The following IGSF11 variants were observed in gnomAD, a reference collection of about 807,000 sequenced individuals.
The protein encoded by IGSF11 is immunoglobulin superfamily member 11.
In IGSF11, 22 loss-of-function variants were observed where a neutral mutation model predicts 41.0. That is an observed-to-expected ratio of 0.54 (90% confidence interval 0.38 to 0.77). The LOEUF is 0.77. Among genes scored for constraint, IGSF11 ranks in the 30% least tolerant of loss-of-function variants. IGSF11 has a pLI of 0.00. For synonymous variants in IGSF11, 219 were observed against 201.3 expected (o/e 1.09, Z -0.74); for missense variants, 444 against 530.8 (o/e 0.84, Z 1.61).
In IGSF11 at chr3:118,902,758, T is replaced by C. The variant is rs1483889670; in HGVS notation, c.1058A>G (p.Asn353Ser). Residue 353 changes from asparagine to serine, a missense_variant, in exon 7 of 7, where the codon AAC becomes AGC. Physicochemically the swap from Asn to Ser is conservative, Grantham distance 46 (BLOSUM62 1). This residue lies in a region of IGSF11 where 223 missense variants were observed against 226.2 expected (regional missense o/e 0.99). Coordinates refer to ENST00000393775, the MANE Select transcript of IGSF11 (RefSeq NM_001015887.3). ...QSFSFHSGNANIPSIYANGTH... is the reference protein window; with the variant it reads ...QSFSFHSGNASIPSIYANGTH... Reference sequence around the variant, plus strand: ...CCCATTAGCATAAATGGATGGTATGTTGGCATTGCCTGAGTGGAAAGAGAA... The same window carrying C: ...CCCATTAGCATAAATGGATGGTATGCTGGCATTGCCTGAGTGGAAAGAGAA... 1 of 1,614,176 alleles carries C rather than the reference T, an allele frequency of 6.2e-7. No homozygotes were observed. Among genetic ancestry groups the C allele is most frequent in the East Asian group, 2.2e-5 (1 of 44,878 alleles).
chr3:118,912,021 A>T (rs1047812799), intron 4 of IGSF11, among the ~76,000 whole-genome samples: 9 of 152,232 alleles, frequency 5.9e-5, no homozygotes, highest in Admixed American at 1.3e-4. Context: ...TTTCTTACAA[A>T]CCATGAAAGA....
chr3:119,051,507 C>G (rs928018683), intron 1 of IGSF11, among the ~76,000 whole-genome samples: 1 of 152,146 alleles, frequency 6.6e-6, no homozygotes, highest in Non-Finnish European at 1.5e-5. Context: ...AGAAATGAGA[C>G]AGATGGCAAT....
At chr3:119,077,355 C>T (rs2107475695) in intron 1 of IGSF11, among the ~76,000 whole-genome samples, 1 of 151,910 alleles carries the variant, frequency 6.6e-6, no homozygotes, top group East Asian at 1.9e-4. Flanking sequence ...CAACATGGCA[C>T]ATGTATACAT....
At chr3:118,955,856 C>T (rs576093449) in intron 1 of IGSF11, among the ~76,000 whole-genome samples, 76 of 152,090 alleles carry the variant, frequency 5.0e-4, no homozygotes, top group Non-Finnish European at 7.5e-4. Context: ...GTCCTTTGAA[C>T]CTTTGGATCC....
chr3:119,041,376 G>C (rs150755192), intron 1 of IGSF11, among the ~76,000 whole-genome samples: 1 of 152,268 alleles, frequency 6.6e-6, no homozygotes, highest in Non-Finnish European at 1.5e-5. Flanking sequence ...GAGGTCAAGA[G>C]TTTGAGACCA....
At chr3:118,904,871 T>C in intron 5 of IGSF11, 73 bp from the exon 6 acceptor site, 1 of 1,184,260 alleles carries the variant, frequency 8.4e-7, no homozygotes, top group Non-Finnish European at 1.2e-6. Flanking sequence ...GCAACTGTAA[T>C]AAGCACATAA....
At chr3:119,107,800 A>C (rs1436836097), upstream of IGSF11, among the ~76,000 whole-genome samples, 1 of 151,816 alleles carries the variant, frequency 6.6e-6, no homozygotes, top group Non-Finnish European at 1.5e-5. Context: ...TCAGCTTTCT[A>C]CATATGGCTA....
chr3:118,935,397 T>A (rs73856927), intron 1 of IGSF11, among the ~76,000 whole-genome samples: 1 of 99,916 alleles, frequency 1.0e-5, no homozygotes, highest in Non-Finnish European at 2.0e-5. Flanking sequence ...CACACACACA[T>A]ACACACACAC....
intron 1 of IGSF11, among the ~76,000 whole-genome samples, chr3:119,123,062 G>A (rs1576827139): frequency 6.6e-6 from 1 of 152,254 alleles, no homozygotes; most frequent in South Asian, 2.1e-4. Context: ...CTGATTCCAG[G>A]CCTTGGTTCT....
chr3:119,143,382 T>C lies in IGSF11; in HGVS notation c.-14+2431A>G, dbSNP rs143500283. Among the ~76,000 whole-genome samples the C allele has an allele frequency of 6.6e-3, 998 of 152,212 alleles. 8 individuals carry two copies. The highest frequency in any genetic ancestry group is 0.024 in the Middle Eastern group (7 of 292). On this transcript the variant is annotated intron_variant, in intron 1 of 7. Coordinates refer to the IGSF11 transcript ENST00000425327. ...GCAGGGTTTTGTATACCATTGAAGCTAGGATGGTTTTAATTCAAAATAGGT... is the reference window on the plus strand; with the variant it reads ...GCAGGGTTTTGTATACCATTGAAGCCAGGATGGTTTTAATTCAAAATAGGT...
chr3:118,997,461 G>T (rs540546595), intron 1 of IGSF11, among the ~76,000 whole-genome samples: 40 of 152,082 alleles, frequency 2.6e-4, no homozygotes, highest in Non-Finnish European at 4.6e-4. Context: ...CTTTACAGAA[G>T]CCATTTGGCA....
At chr3:119,086,124 T>C (rs1183202696) in intron 1 of IGSF11, among the ~76,000 whole-genome samples, 2 of 152,212 alleles carry the variant, frequency 1.3e-5, no homozygotes, top group East Asian at 1.9e-4. Context: ...ATCGGCCTTA[T>C]GTTCCCTGCC....
chr3:119,087,899 C>T (rs2107490439), intron 1 of IGSF11, among the ~76,000 whole-genome samples: 1 of 151,976 alleles, frequency 6.6e-6, no homozygotes, highest in African/African-American at 2.4e-5. Context: ...ATATACCCAC[C>T]CAACATTGGA....
intron 1 of IGSF11, among the ~76,000 whole-genome samples, chr3:118,942,186 C>A (rs922729162): frequency 6.6e-6 from 1 of 152,114 alleles, no homozygotes; most frequent in Non-Finnish European, 1.5e-5. Context: ...GGGAAGCTCA[C>A]AGAATCATGG....
intron 1 of IGSF11, among the ~76,000 whole-genome samples, chr3:119,140,962 T>C (rs112003411): frequency 0.029 from 4,331 of 149,800 alleles, 95 homozygotes; most frequent in Non-Finnish European, 0.04. Context: ...GAAAATTGCT[T>C]GACCCAGGAG....
chr3:119,060,176 C>G (rs761277376), intron 1 of IGSF11, among the ~76,000 whole-genome samples: 2 of 152,152 alleles, frequency 1.3e-5, no homozygotes, highest in Non-Finnish European at 2.9e-5. Flanking sequence ...GAACCATCAT[C>G]AGTTTCTGTT....
At chr3:119,088,391 C>T (rs1411010311) in intron 1 of IGSF11, among the ~76,000 whole-genome samples, 1 of 152,126 alleles carries the variant, frequency 6.6e-6, no homozygotes, top group Non-Finnish European at 1.5e-5. Flanking sequence ...AATAGACACA[C>T]AGCTTATCAA....
chr3:118,967,220 G>C (rs1368052338), intron 1 of IGSF11, among the ~76,000 whole-genome samples: 1 of 152,024 alleles, frequency 6.6e-6, no homozygotes, highest in Non-Finnish European at 1.5e-5. Flanking sequence ...TGTATGGAGA[G>C]AGATATATAT....
At chr3:119,119,422 A>G (rs1185057378) in intron 1 of IGSF11, among the ~76,000 whole-genome samples, 1 of 152,208 alleles carries the variant, frequency 6.6e-6, no homozygotes, top group East Asian at 1.9e-4. Flanking sequence ...TCACAAGAAC[A>G]GCACAGGAAA....
Sources: gnomAD v4.1 joint callset for allele counts (sites outside exome capture counted in the v4.1 genomes callset) on GRCh38, gnomAD v4.1.1 for gene constraint, gnomAD v4.1.1 regional missense constraint, MANE v1.5 for transcripts, NCBI Gene and HGNC (gene_info 2026-07-23, HGNC 2026-07-21) for gene names.